Variants in PTPRG observed in about 807,000 individuals in gnomAD.
The protein encoded by PTPRG is receptor-type tyrosine-protein phosphatase gamma.
Under a neutral mutation model 165.3 loss-of-function variants are expected in PTPRG, and 102 were observed. The observed-to-expected ratio is 0.62, with a 90% CI of 0.53 to 0.73. The LOEUF is 0.73. PTPRG is among the 30% of genes least tolerant of loss of function. The probability of loss-of-function intolerance (pLI) is 0.00; values close to 1 mark genes in which losing one functional copy is unlikely to be tolerated. For missense variants in PTPRG, 1,866 were observed against 1,861.4 expected, an observed-to-expected ratio of 1.00 and a Z score of -0.05; for synonymous variants, 675 against 669.5, an observed-to-expected ratio of 1.01 and a Z score of -0.13.
At chr3:62,267,353 G>C in intron 17 of PTPRG, 57 bp from the exon 18 acceptor site, 1 of 1,274,250 alleles carries the variant, frequency 7.8e-7, no homozygotes, top group Non-Finnish European at 1.1e-6. Flanking sequence ...GCTTTAGAAT[G>C]GTGCTAGTTT....
intron 1 of PTPRG, among the ~76,000 whole-genome samples, chr3:61,734,265 C>T (rs1173905904): frequency 6.6e-6 from 1 of 152,166 alleles, no homozygotes; most frequent in African/African-American, 2.4e-5. Flanking sequence ...CTAAAATCTG[C>T]AGGCTTTTTT....
At chr3:61,680,428 A>G (rs756237049) in intron 1 of PTPRG, among the ~76,000 whole-genome samples, 4 of 151,658 alleles carry the variant, frequency 2.6e-5, no homozygotes, top group Non-Finnish European at 4.4e-5. Context: ...AGAAGCAAGA[A>G]ATCTAGATAA....
At chr3:62,033,985 T>A (rs1699860114) in intron 4 of PTPRG, among the ~76,000 whole-genome samples, 1 of 152,048 alleles carries the variant, frequency 6.6e-6, no homozygotes, top group African/African-American at 2.4e-5. Flanking sequence ...AGGCTGGTCT[T>A]GAACACCTGA....
At chr3:62,201,222 T>C (rs925175109) in intron 10 of PTPRG, among the ~76,000 whole-genome samples, 1 of 152,170 alleles carries the variant, frequency 6.6e-6, no homozygotes, top group African/African-American at 2.4e-5. Context: ...TTTACCTCAA[T>C]AAAACAGAAA....
intron 1 of PTPRG, among the ~76,000 whole-genome samples, chr3:61,682,431 A>G (rs1703481464): frequency 6.6e-6 from 1 of 152,194 alleles, no homozygotes; most frequent in African/African-American, 2.4e-5. Context: ...TGTTGACAGT[A>G]ATGGGTATGG....
chr3:62,121,440 T>G (rs1703068861), intron 5 of PTPRG, among the ~76,000 whole-genome samples: 1 of 152,178 alleles, frequency 6.6e-6, no homozygotes, highest in South Asian at 2.1e-4. Context: ...GTAATTCACT[T>G]TCCCATGACT....
In PTPRG at chr3:62,243,812, G is replaced by A. The variant is rs913593338; in HGVS notation, c.2381G>A (p.Cys794Tyr). Residue 794 changes from cysteine to tyrosine, a missense_variant, in exon 15 of 30, where the codon TGT becomes TAT. Coordinates refer to ENST00000474889, the MANE Select transcript of PTPRG (RefSeq NM_002841.4). Reference sequence around the variant, plus strand: ...TTTTTCTCTTTTCTACACAGAAAATGTTTTCAGACTGCTCATTTCTATGTG... The same window carrying A: ...TTTTTCTCTTTTCTACACAGAAAATATTTTCAGACTGCTCATTTCTATGTG... ...GERGEKGSRK[C>Y]FQTAHFYVED... The A allele has an allele frequency of 2.5e-6, 4 of 1,577,218 alleles. No homozygotes were observed. The highest frequency in any genetic ancestry group is 2.6e-6 in the Non-Finnish European group (3 of 1,149,654).
chr3:61,957,316 A>G (rs562074707), intron 2 of PTPRG, among the ~76,000 whole-genome samples: 1 of 152,380 alleles, frequency 6.6e-6, no homozygotes, highest in Admixed American at 6.5e-5. Context: ...CACAGTGAAT[A>G]AATTATTTTG....
intron 5 of PTPRG, among the ~76,000 whole-genome samples, chr3:62,106,047 A>G (rs776342149): frequency 6.6e-6 from 1 of 152,226 alleles, no homozygotes; most frequent in East Asian, 1.9e-4. Flanking sequence ...CTTTATAGTC[A>G]TCATCTAGAA....
chr3:61,690,922 A>C (rs534398670), intron 1 of PTPRG, among the ~76,000 whole-genome samples: 2 of 152,192 alleles, frequency 1.3e-5, no homozygotes, highest in East Asian at 3.9e-4. Context: ...TACATCTCTG[A>C]GATGAGACTG....
chr3:62,118,578 T>C (rs992992313), intron 5 of PTPRG: 1 of 152,246 alleles, frequency 6.6e-6, no homozygotes, highest in Non-Finnish European at 1.5e-5. Flanking sequence ...TCGTTAATAA[T>C]GACGACTATT....
chr3:61,878,997 A>G (rs1390955181), intron 2 of PTPRG, among the ~76,000 whole-genome samples: 3 of 152,252 alleles, frequency 2.0e-5, no homozygotes, highest in Non-Finnish European at 2.9e-5. Flanking sequence ...ATATATTAAC[A>G]GGAGGTAAAT....
chr3:62,216,121 G>GGTGGGAGGATCGCTTGAGC (rs1424445837), intron 12 of PTPRG, among the ~76,000 whole-genome samples: 1 of 152,082 alleles, frequency 6.6e-6, no homozygotes, highest in Non-Finnish European at 1.5e-5. Context: ...GGAGGGCTAA[G>GGTGGGAGGATCGCTTGAGC]GTGGGAGGAT....
At chr3:62,133,219 T>C (rs1703581568) in intron 6 of PTPRG, among the ~76,000 whole-genome samples, 1 of 152,230 alleles carries the variant, frequency 6.6e-6, no homozygotes, top group Non-Finnish European at 1.5e-5. Context: ...CTGGTTTTTA[T>C]TGGAAGAATT....
chr3:62,105,761 G>C (rs1702453331), intron 5 of PTPRG, among the ~76,000 whole-genome samples: 1 of 152,154 alleles, frequency 6.6e-6, no homozygotes, highest in South Asian at 2.1e-4. Context: ...AGATACCATG[G>C]AGTCTTTGAG....
intron 1 of PTPRG, among the ~76,000 whole-genome samples, chr3:61,572,094 G>C (rs1186121713): frequency 1.3e-5 from 2 of 152,178 alleles, no homozygotes; most frequent in African/African-American, 4.8e-5. Context: ...AGGTGCACTT[G>C]TTGACTTTTT....
At chr3:62,265,960 A>G (rs960884047) in intron 17 of PTPRG, among the ~76,000 whole-genome samples, 10 of 132,906 alleles carry the variant, frequency 7.5e-5, no homozygotes, top group Non-Finnish European at 1.3e-4. Context: ...TTACTTCTCT[A>G]ATGTCAAACA....
chr3:61,619,317 G>A (rs1023145405), intron 1 of PTPRG, among the ~76,000 whole-genome samples: 20 of 152,108 alleles, frequency 1.3e-4, no homozygotes, highest in Admixed American at 1.2e-3. Context: ...TCTGCCTATT[G>A]ATGAGTATGT....
intron 2 of PTPRG, among the ~76,000 whole-genome samples, chr3:61,818,091 A>G (rs2035841585): frequency 6.6e-6 from 1 of 152,194 alleles, no homozygotes; most frequent in Admixed American, 6.5e-5. Flanking sequence ...AAGCTCCACC[A>G]TACCCCCCAC....
Sources: allele counts gnomAD v4.1 joint callset (sites outside exome capture counted in the v4.1 genomes callset), GRCh38; gene constraint gnomAD v4.1.1; transcripts MANE v1.5; gene names NCBI Gene and HGNC (gene_info 2026-07-23, HGNC 2026-07-21).